SLC66A3: variants seen among roughly 807,000 people sequenced by gnomAD.
SLC66A3 encodes the protein PQ loop repeat containing 3.
Under a neutral mutation model 25.5 loss-of-function variants are expected in SLC66A3, and 23 were observed. The observed-to-expected ratio is 0.90, with a 90% confidence interval of 0.65 to 1.28. SLC66A3 has a LOEUF of 1.28. Among genes scored for constraint, SLC66A3 ranks in the 50% most tolerant of loss-of-function variants. SLC66A3 has a pLI of 0.00. For missense variants in SLC66A3, 246 were observed against 262.1 expected (o/e 0.94, Z 0.42); for synonymous variants, 108 against 112.6 (o/e 0.96, Z 0.26).
chr2:11,176,971 ATATT>A (rs768521527), intron 6 of SLC66A3, among the ~76,000 whole-genome samples: 148 of 152,220 alleles, frequency 9.7e-4, no homozygotes, highest in Non-Finnish European at 1.3e-3. Context: ...AAAGTTATAT[ATATT>A]TATTTATTTA....
At position 11,175,104 on chromosome 2, in the gene SLC66A3, G is replaced by C. The variant is rs878989569; in HGVS notation, c.517+95G>C. The C allele has an allele frequency of 1.0e-5, 9 of 894,594 alleles. No individual in the cohort carries two copies. In the East Asian group the frequency reaches 2.3e-4, roughly 23 times the overall value. 55.4% of individuals were successfully genotyped at this position (894,594 alleles called of 1,614,324 possible). ...TCTTAGGGTTTAATGGATGGACTTG[G>C]CTCTGTTGGATTATAGATTTAGAAG... On this transcript the variant is annotated intron_variant, in intron 6 of 6. Transcript: ENST00000295083.
At chr2:11,176,560 G>A (rs1318859794) in intron 6 of SLC66A3, among the ~76,000 whole-genome samples, 6 of 90,278 alleles carry the variant, frequency 6.6e-5, no homozygotes, top group East Asian at 7.0e-4. Context: ...ACGGAGTCTC[G>A]CTCTGTCGCC....
rs544506100 is a variant in SLC66A3, at chr2:11,169,638, A to G, written c.355-2287A>G. ...ACTTCCGTGTTCCCAGGGCTCCAGC[A>G]CACACCGCACAGCCAACCACTGGCT... On this transcript the variant is annotated intron_variant, in intron 4 of 6. Transcript: ENST00000295083. Among the ~76,000 whole-genome samples the G allele has an allele frequency of 3.9e-5, 6 of 152,006 alleles. No individual in the cohort carries two copies. The South Asian group carries it at 1.2e-3, about 32-fold the overall frequency.
At chr2:11,155,753 A>G in intron 1 of SLC66A3, 64 bp downstream of exon 1, 2 of 1,298,406 alleles carry the variant, frequency 1.5e-6, no homozygotes, top group Non-Finnish European at 2.0e-6. Context: ...CTGGGAGCCC[A>G]GGAGAGCCTC....
rs758997250 is a variant in SLC66A3 at position 11,155,512 on chromosome 2, G to C, written c.-35G>C. On this transcript the variant is annotated 5_prime_UTR_variant, in exon 1 of 7. Transcript: ENST00000295083. Reference sequence around the variant, plus strand: ...CGCCGAGGCTGAGCGGTCCCTTCTCGCTGCGGCCGCCCAGGTGCCCGCGCC... The same window carrying C: ...CGCCGAGGCTGAGCGGTCCCTTCTCCCTGCGGCCGCCCAGGTGCCCGCGCC... 1.4e-6 allele frequency: 2 copies of C among 1,475,528 alleles called. No homozygotes were observed. The highest frequency in any genetic ancestry group is 2.9e-5 in the African/African-American group (2 of 67,896). 91.4% of individuals were successfully genotyped at this position (1,475,528 alleles called of 1,614,324 possible).
chr2:11,165,062 G>A (rs1662271172), intron 4 of SLC66A3, among the ~76,000 whole-genome samples: 1 of 152,230 alleles, frequency 6.6e-6, no homozygotes. Context: ...CCTCCCAGAC[G>A]GGGTGGCGGC....
intron 4 of SLC66A3, among the ~76,000 whole-genome samples, chr2:11,167,162 T>C (rs2147993976): frequency 6.6e-6 from 1 of 152,144 alleles, no homozygotes; most frequent in East Asian, 1.9e-4. Context: ...TTGTCAAGAA[T>C]GGAGGGATGT....
chr2:11,160,443 G>T (rs1662075842), intron 1 of SLC66A3, 23 bp from the exon 2 acceptor site: 2 of 1,609,510 alleles, frequency 1.2e-6, no homozygotes, highest in Non-Finnish European at 1.7e-6. Context: ...CAGCCGTGTG[G>T]ACATGTGCCC....
At chr2:11,169,960 T>G (rs1662491200) in intron 4 of SLC66A3, among the ~76,000 whole-genome samples, 1 of 148,700 alleles carries the variant, frequency 6.7e-6, no homozygotes, top group Non-Finnish European at 1.5e-5. Context: ...TGCCTCAGCC[T>G]CCCGAGTAGC....
At chr2:11,164,345 A>ATATATATATTTTTTTTTTTTTTTTT in intron 4 of SLC66A3, 84 bp downstream of exon 4, 55 of 92,806 alleles carry the variant, frequency 5.9e-4, no homozygotes, top group East Asian at 5.5e-3. Context: ...ATATATATAT[A>ATATATATATTTTTTTTTTTTTTTTT]TTTTTTTTTT....
In SLC66A3 at chr2:11,165,286, G is replaced by T. The variant is rs969922129; in HGVS notation, c.354+1025G>T. 3.6e-5 allele frequency among the ~76,000 whole-genome samples: 5 copies of T among 137,600 alleles called. No homozygotes were observed. In the South Asian group the frequency reaches 8.5e-4, roughly 23 times the overall value. The allele number at this position is 137,600 out of a possible 152,430, so 90.3% of individuals were successfully genotyped here. A position where few individuals can be genotyped will look rare whatever the true frequency, so the allele number is the denominator to read the frequency against. On this transcript the variant is annotated intron_variant, in intron 4 of 6. Coordinates refer to ENST00000295083, the MANE Select transcript of SLC66A3 (RefSeq NM_152391.5). ...AGAGGGGCGGCTGCCGGGCAGAGGG[G>T]CTCCTCACTTCTCAGACTGGGCGGC...
At chr2:11,168,599 C>A (rs868770571) in intron 4 of SLC66A3, among the ~76,000 whole-genome samples, 4 of 152,116 alleles carry the variant, frequency 2.6e-5, no homozygotes, top group Admixed American at 2.6e-4. Context: ...ACCGACTCCT[C>A]GCCACCCCGC....
intron 5 of SLC66A3, among the ~76,000 whole-genome samples, chr2:11,172,431 T>C (rs958780194): frequency 6.6e-6 from 1 of 152,220 alleles, no homozygotes; most frequent in African/African-American, 2.4e-5. Flanking sequence ...TGAGAATGAA[T>C]GAAATGTGTA....
chr2:11,171,806 G>C lies in SLC66A3; in HGVS notation c.355-119G>C, dbSNP rs1032489685. 118 of 972,518 alleles carry C rather than the reference G, an allele frequency of 1.2e-4. No homozygotes were observed. The Middle Eastern group carries it at 1.4e-3, about 11-fold the overall frequency. 60.2% of individuals were successfully genotyped at this position (972,518 alleles called of 1,614,324 possible). ...GATGGTCTCGATCTCCTGACCTCATGATCTGCCTGCCTCGGCCTCCCAAAG... is the reference window on the plus strand; with the variant it reads ...GATGGTCTCGATCTCCTGACCTCATCATCTGCCTGCCTCGGCCTCCCAAAG... On this transcript the variant is annotated intron_variant, in intron 4 of 6. Coordinates refer to ENST00000295083, the MANE Select transcript of SLC66A3 (RefSeq NM_152391.5).
chr2:11,164,345 A>ATTTTTTTTTTTTTTTT (rs541806283), intron 4 of SLC66A3, 84 bp downstream of exon 4: 3 of 92,820 alleles, frequency 3.2e-5, no homozygotes, highest in Admixed American at 1.6e-4. Context: ...ATATATATAT[A>ATTTTTTTTTTTTTTTT]TTTTTTTTTT....
intron 1 of SLC66A3, 109 bp from the exon 2 acceptor site, chr2:11,160,357 A>AC: frequency 1.2e-6 from 1 of 865,824 alleles, no homozygotes; most frequent in East Asian, 2.4e-5. Context: ...GCGTGTCCAC[A>AC]CCCCCACTGC....
At chr2:11,164,849 T>G (rs976027296) in intron 4 of SLC66A3, among the ~76,000 whole-genome samples, 3 of 152,178 alleles carry the variant, frequency 2.0e-5, no homozygotes, top group African/African-American at 7.2e-5. Context: ...AGCACTGGGT[T>G]GGGGGTAAGG....
chr2:11,169,897 A>C (rs1165824318), intron 4 of SLC66A3, among the ~76,000 whole-genome samples: 1 of 137,594 alleles, frequency 7.3e-6, no homozygotes, highest in Admixed American at 8.2e-5. Flanking sequence ...GGAATGCAGT[A>C]GCATGATCTT....
intron 3 of SLC66A3, among the ~76,000 whole-genome samples, chr2:11,162,679 G>A (rs564210024): frequency 7.9e-5 from 12 of 152,214 alleles, no homozygotes; most frequent in East Asian, 1.9e-4. Flanking sequence ...CCATCTCAGC[G>A]CACTGCAAGC....
Sources: gnomAD v4.1 joint callset for allele counts (sites outside exome capture counted in the v4.1 genomes callset) on GRCh38, gnomAD v4.1.1 for gene constraint, MANE v1.5 for transcripts, NCBI Gene and HGNC (gene_info 2026-07-23, HGNC 2026-07-21) for gene names.